AXIN1: variants seen among roughly 807,000 people sequenced by gnomAD.
AXIN1 encodes the protein axin 1, also known as axin-1.
AXIN1 carries 30 observed loss-of-function variants against 76.4 expected under a neutral mutation model. The observed-to-expected ratio is 0.39, with a 90% CI of 0.29 to 0.53. AXIN1 has a LOEUF of 0.53. Among genes scored for constraint, AXIN1 ranks in the 20% least tolerant of loss-of-function variants. The pLI is 0.66. For synonymous variants in AXIN1, 545 were observed against 501.4 expected, an observed-to-expected ratio of 1.09 and a Z score of -1.16; for missense variants, 1,140 against 1,198.8, an observed-to-expected ratio of 0.95 and a Z score of 0.72.
rs1188790763 is a variant in AXIN1, at chr16:291,209, T to C, written c.2275A>G (p.Met759Val). ...ACGTACTCTGTCTCGGAGAGCTCCA[T>C]GTCCGACACGGCTGGTACCACGTGC... is the stretch of plus-strand genomic sequence containing the variant. ...VLHVVPAVSD[M>V]ELSETETRSQ... The change falls in exon 9 of 11, where the codon ATG becomes GTG. Residue 759 changes from methionine (M) to valine (V), a missense_variant. Around this residue, in one of 3 missense-constraint regions of AXIN1, gnomAD observed 429 missense variants for 405.8 expected, o/e 1.06. Coordinates refer to ENST00000262320, the MANE Select transcript of AXIN1 (RefSeq NM_003502.4). 4.4e-6 allele frequency: 7 copies of C among 1,588,114 alleles called. No individual in the cohort carries two copies. Among genetic ancestry groups the C allele is most frequent in the Non-Finnish European group, 6.0e-6 (7 of 1,168,150 alleles).
At chr16:288,323 C>T (rs748094895) in intron 10 of AXIN1, 75 bp from the exon 11 acceptor site, 30 of 1,580,028 alleles carry the variant, frequency 1.9e-5, no homozygotes, top group Middle Eastern at 3.3e-4. Context: ...CAGGGGACGG[C>T]GTGTCCACAC....
intron 2 of AXIN1, among the ~76,000 whole-genome samples, chr16:332,555 G>A (rs757508604): frequency 1.7e-4 from 25 of 143,226 alleles, no homozygotes; most frequent in Middle Eastern, 8.9e-3. Flanking sequence ...CAGGCTGGGC[G>A]AAAGAGCGAG....
chr16:310,792 A>G (rs1399006108), intron 3 of AXIN1, among the ~76,000 whole-genome samples: 1 of 152,238 alleles, frequency 6.6e-6, no homozygotes, highest in East Asian at 1.9e-4. Flanking sequence ...CCAGCCCTGC[A>G]CGGGAAACGT....
In AXIN1 at chr16:297,058, G is replaced by A. The variant is rs370843788; in HGVS notation, c.1953C>T (p.His651=). ...KEISRHRRTG[H]GSSGTRKPQP... ...CTGGCTGCGTGCGGGGTGCTCACCC[G>A]TGGCCGGTCCTGCGGTGCCTGCTGA... Residue 651 remains histidine (H), a splice_region_variant and synonymous_variant, in exon 7 of 11, where the codon CAC becomes CAT. Coordinates refer to ENST00000262320, the MANE Select transcript of AXIN1 (RefSeq NM_003502.4). The A allele has an allele frequency of 2.3e-5, 37 of 1,610,816 alleles. No homozygotes were observed. In the East Asian group the frequency reaches 2.9e-4, roughly 13 times the overall value.
chr16:349,681 G>A (rs1010145295), intron 1 of AXIN1, among the ~76,000 whole-genome samples: 11 of 152,346 alleles, frequency 7.2e-5, no homozygotes, highest in Middle Eastern at 3.4e-3. Context: ...GTCATTCACT[G>A]ATGTAAAAAA....
chr16:324,740 T>C (rs1026774615), intron 2 of AXIN1, among the ~76,000 whole-genome samples: 2 of 151,952 alleles, frequency 1.3e-5, no homozygotes, highest in African/African-American at 2.4e-5. Context: ...ACACGGCCAG[T>C]GCCATCAGCG....
At chr16:328,955 C>A (rs1007561704) in intron 2 of AXIN1, among the ~76,000 whole-genome samples, 2 of 152,094 alleles carry the variant, frequency 1.3e-5, no homozygotes, top group African/African-American at 4.8e-5. Context: ...CTGGGTGCTG[C>A]CACGCTGCTC....
chr16:313,110 G>C (rs541283192), intron 3 of AXIN1, among the ~76,000 whole-genome samples: 2 of 152,184 alleles, frequency 1.3e-5, no homozygotes, highest in Admixed American at 1.3e-4. Context: ...CTCGGAGTTC[G>C]AGACTGCATA....
Position 352,408 on chromosome 16 carries a change from G to C in AXIN1, c.-121C>G. ...GGCGGGACCCCGGGCCCGGCTCCCG[G>C]AGCGGCGCGGCGCGGTCCGGGCCCA... On this transcript the variant is annotated 5_prime_UTR_variant, in exon 1 of 11. Coordinates refer to ENST00000262320, the MANE Select transcript of AXIN1 (RefSeq NM_003502.4). 1 of 849,096 alleles carries C rather than the reference G, an allele frequency of 1.2e-6. No individual in the cohort carries two copies. The highest frequency in any genetic ancestry group is 1.3e-6 in the Non-Finnish European group (1 of 770,114). The allele number at this position is 849,096 out of a possible 1,614,324, so 52.6% of individuals were successfully genotyped here.
intron 2 of AXIN1, among the ~76,000 whole-genome samples, chr16:326,596 A>C (rs1284125161): frequency 6.7e-6 from 1 of 150,138 alleles, no homozygotes; most frequent in African/African-American, 2.5e-5. Flanking sequence ...AAAATACAAA[A>C]AATTAGCTGG....
intron 2 of AXIN1, among the ~76,000 whole-genome samples, chr16:342,418 G>C (rs2053946865): frequency 6.6e-6 from 1 of 152,194 alleles, no homozygotes; most frequent in Non-Finnish European, 1.5e-5. Flanking sequence ...CTCTCCACAG[G>C]ATATGCATCC....
intron 2 of AXIN1, among the ~76,000 whole-genome samples, chr16:339,348 A>G (rs2053868919): frequency 2.3e-5 from 2 of 87,276 alleles, no homozygotes; most frequent in South Asian, 4.0e-4. Context: ...CTAAAAATAC[A>G]AAAAAAAAAA....
chr16:306,357 C>T (rs1328956935), intron 4 of AXIN1, among the ~76,000 whole-genome samples: 1 of 152,210 alleles, frequency 6.6e-6, no homozygotes, highest in East Asian at 1.9e-4. Context: ...TAACATCCTT[C>T]ATAGCAAAAC....
chr16:340,309 T>C (rs2053891271), intron 2 of AXIN1, among the ~76,000 whole-genome samples: 1 of 152,192 alleles, frequency 6.6e-6, no homozygotes, highest in African/African-American at 2.4e-5. Context: ...TGACCAGCCC[T>C]ATCCACAAGT....
intron 2 of AXIN1, among the ~76,000 whole-genome samples, chr16:342,519 A>G (rs1442385133): frequency 1.3e-5 from 2 of 151,962 alleles, no homozygotes; most frequent in South Asian, 2.1e-4. Flanking sequence ...TTCCCTTTGC[A>G]TTACCCGCAG....
Position 288,155 on chromosome 16 carries a change from C to T in AXIN1, c.2556G>A (p.Glu852=), listed in dbSNP as rs1483993563. The change falls in exon 11 of 11, where the codon GAG becomes GAA. Residue 852 remains glutamate, a synonymous_variant. Coordinates refer to ENST00000262320, the MANE Select transcript of AXIN1 (RefSeq NM_003502.4). The part of the protein sequence containing the change: ...EDEAVLPVFE[E]KIIGKVEKVD ...CCTTCTCCACTTTGCCGATGATCTT[C>T]TCCTCAAAGACGGGCAGGACGGCCT... 1.2e-6 allele frequency: 2 copies of T among 1,613,614 alleles called. No homozygotes were observed. Among genetic ancestry groups the T allele is most frequent in the Non-Finnish European group, 1.7e-6 (2 of 1,180,004 alleles).
At chr16:351,834 G>A (rs1022593131) in intron 1 of AXIN1, among the ~76,000 whole-genome samples, 1 of 152,174 alleles carries the variant, frequency 6.6e-6, no homozygotes, top group African/African-American at 2.4e-5. Flanking sequence ...ATGCCAAGCT[G>A]AAAGTTTCAC....
rs138791718 is a variant in AXIN1 at position 334,887 on chromosome 16, T to G, written c.878+11261A>C. ...CACAGCACCCAGTACCATGGCACACTAATTACACACCACTCACTAGAGAGA... is the reference window on the plus strand; with the variant it reads ...CACAGCACCCAGTACCATGGCACACGAATTACACACCACTCACTAGAGAGA... On this transcript the variant is annotated intron_variant, in intron 2 of 10. Coordinates refer to ENST00000262320, the MANE Select transcript of AXIN1 (RefSeq NM_003502.4). 2.2e-3 allele frequency among the ~76,000 whole-genome samples: 338 copies of G among 152,080 alleles called. 3 individuals carry two copies. Among genetic ancestry groups the G allele is most frequent in the African/African-American group, 7.9e-3 (326 of 41,402 alleles).
chr16:297,977 G>T lies in AXIN1; in HGVS notation c.1529C>A (p.Ala510Asp). The T allele has an allele frequency of 6.2e-7, 1 of 1,601,302 alleles. No homozygotes were observed. Among genetic ancestry groups the T allele is most frequent in the Non-Finnish European group, 8.5e-7 (1 of 1,177,350 alleles). The change falls in exon 6 of 11, where the codon GCC (alanine) becomes GAC (aspartate). Residue 510 changes from alanine (A) to aspartate (D), a missense_variant. Around this residue, in one of 3 missense-constraint regions of AXIN1, gnomAD observed 708 missense variants for 776.9 expected, o/e 0.91. Coordinates refer to ENST00000262320, the MANE Select transcript of AXIN1 (RefSeq NM_003502.4). ...GGGTACGTGCTTCCCGTGCCCCGAG[G>T]CGGCACCCCCCAGTGCCACTGGCAT... ...AKMPVALGGA[A>D]SGHGKHVPKS...
Sources: allele counts gnomAD v4.1 joint callset (sites outside exome capture counted in the v4.1 genomes callset), GRCh38; gene constraint gnomAD v4.1.1; regional missense constraint gnomAD v4.1.1; transcripts MANE v1.5; gene names NCBI Gene and HGNC (gene_info 2026-07-23, HGNC 2026-07-21).